Variants in ARB2A observed in about 807,000 individuals in gnomAD.
ARB2A encodes the protein cotranscriptional regulator ARB2A.
chr5:93,768,344 T>TG, the ARB2A span, among the ~76,000 whole-genome samples: 6 of 149,064 alleles, frequency 4.0e-5, no homozygotes, highest in African/African-American at 1.5e-4. Flanking sequence ...CAATAACCTA[T>TG]GGGAAAAAAA....
chr5:93,635,466 T>TC, the ARB2A span, among the ~76,000 whole-genome samples: 2 of 150,442 alleles, frequency 1.3e-5, no homozygotes, highest in African/African-American at 5.0e-5. Context: ...AAAGTTTTTT[T>TC]TTTTTTTTTT....
the ARB2A span, among the ~76,000 whole-genome samples, chr5:93,893,794 C>A: frequency 5.3e-5 from 8 of 152,044 alleles, no homozygotes; most frequent in Non-Finnish European, 1.0e-4. Context: ...TATTTTTTTA[C>A]ACAAGAAGGA....
At chr5:93,647,045 G>T in the ARB2A span, among the ~76,000 whole-genome samples, 84 of 152,228 alleles carry the variant, frequency 5.5e-4, no homozygotes, top group African/African-American at 2.0e-3. Flanking sequence ...ATGCCCTTCA[G>T]TAGTATGTAC....
chr5:93,962,832 TCTTG>T, the ARB2A span, among the ~76,000 whole-genome samples: 1 of 152,142 alleles, frequency 6.6e-6, no homozygotes, highest in African/African-American at 2.4e-5. Context: ...AGTAAATCTC[TCTTG>T]CTTATTAGCT....
At chr5:93,993,679 A>G in the ARB2A span, among the ~76,000 whole-genome samples, 5 of 152,208 alleles carry the variant, frequency 3.3e-5, no homozygotes, top group African/African-American at 1.2e-4. Flanking sequence ...ATGGCTTACA[A>G]CTTTACAGAA....
the ARB2A span, among the ~76,000 whole-genome samples, chr5:93,783,817 T>C: frequency 6.6e-6 from 1 of 152,294 alleles, no homozygotes; most frequent in Non-Finnish European, 1.5e-5. Flanking sequence ...CACCAGCCCT[T>C]AGGAAGTGTG....
chr5:93,979,022 T>C, the ARB2A span, among the ~76,000 whole-genome samples: 3 of 152,102 alleles, frequency 2.0e-5, no homozygotes, highest in Non-Finnish European at 4.4e-5. Flanking sequence ...TAAAATGTTC[T>C]TAACACACTG....
the ARB2A span, among the ~76,000 whole-genome samples, chr5:94,017,203 T>G: frequency 6.6e-6 from 1 of 152,278 alleles, no homozygotes; most frequent in Non-Finnish European, 1.5e-5. Flanking sequence ...GCAATATGCA[T>G]GTGTAAGGTG....
At chr5:93,882,938 A>G in the ARB2A span, among the ~76,000 whole-genome samples, 1 of 151,518 alleles carries the variant, frequency 6.6e-6, no homozygotes, top group Non-Finnish European at 1.5e-5. Context: ...TGAAGTTTAA[A>G]TTTTAAATTT....
the ARB2A span, among the ~76,000 whole-genome samples, chr5:93,707,690 T>C: frequency 1.3e-5 from 2 of 151,364 alleles, no homozygotes; most frequent in Non-Finnish European, 2.9e-5. Context: ...TTCTCCTGCC[T>C]CAGCCTCCCA....
At chr5:94,047,041 A>T in the ARB2A span, among the ~76,000 whole-genome samples, 8 of 152,036 alleles carry the variant, frequency 5.3e-5, no homozygotes, top group Non-Finnish European at 1.0e-4. Flanking sequence ...ATACTGTAAT[A>T]ACCAGACTTT....
the ARB2A span, among the ~76,000 whole-genome samples, chr5:94,076,261 G>C: frequency 6.6e-6 from 1 of 152,150 alleles, no homozygotes; most frequent in African/African-American, 2.4e-5. Flanking sequence ...TCAATGGTGT[G>C]AGATATTCTA....
chr5:93,786,340 G>A, the ARB2A span, among the ~76,000 whole-genome samples: 1 of 152,166 alleles, frequency 6.6e-6, no homozygotes, highest in East Asian at 1.9e-4. Flanking sequence ...GACTACTAGA[G>A]GAAAATATCT....
chr5:93,885,029 A>G, the ARB2A span, among the ~76,000 whole-genome samples: 8 of 151,616 alleles, frequency 5.3e-5, no homozygotes, highest in African/African-American at 1.9e-4. Context: ...AAAGAGTCAA[A>G]GAAAATAGAG....
the ARB2A span, chr5:94,050,877 A>G: frequency 1.6e-6 from 2 of 1,287,558 alleles, no homozygotes; most frequent in Non-Finnish European, 2.2e-6. Flanking sequence ...AAGTATATTG[A>G]CAATAATATA....
At chr5:93,621,858 T>TA in the ARB2A span, among the ~76,000 whole-genome samples, 9 of 151,822 alleles carry the variant, frequency 5.9e-5, no homozygotes, top group East Asian at 3.9e-4. Flanking sequence ...TTAGAACAGC[T>TA]AAAAAAAAGG....
the ARB2A span, among the ~76,000 whole-genome samples, chr5:94,049,472 C>T: frequency 3.3e-5 from 5 of 151,894 alleles, no homozygotes; most frequent in African/African-American, 7.3e-5. Flanking sequence ...CCGAGGCAGG[C>T]GGATGACTTG....
At chr5:93,688,409 A>G in the ARB2A span, among the ~76,000 whole-genome samples, 1 of 152,222 alleles carries the variant, frequency 6.6e-6, no homozygotes, top group Non-Finnish European at 1.5e-5. Context: ...TTTCCATTCT[A>G]TAGCCTAATT....
chr5:94,065,908 G>C, the ARB2A span, among the ~76,000 whole-genome samples: 1 of 152,034 alleles, frequency 6.6e-6, no homozygotes, highest in African/African-American at 2.4e-5. Flanking sequence ...TTTCATCCAA[G>C]AGCTGCAGAG....
Sources: allele counts gnomAD v4.1 joint callset (sites outside exome capture counted in the v4.1 genomes callset), GRCh38; gene constraint gnomAD v4.1.1; transcripts MANE v1.5; gene names NCBI Gene and HGNC (gene_info 2026-07-23, HGNC 2026-07-21).